ARK2N: variants seen among roughly 807,000 people sequenced by gnomAD.
The protein encoded by ARK2N is arkadia (RNF111) N-terminal like PKA signaling regulator 2N.
the ARK2N span, among the ~76,000 whole-genome samples, chr18:46,208,989 C>G: frequency 1.3e-5 from 2 of 152,070 alleles, no homozygotes; most frequent in Non-Finnish European, 2.9e-5. Flanking sequence ...GGGTAGCCAG[C>G]AAGAAGATAG....
At chr18:46,184,720 C>T in the ARK2N span, among the ~76,000 whole-genome samples, 1 of 151,584 alleles carries the variant, frequency 6.6e-6, no homozygotes, top group Admixed American at 6.6e-5. Context: ...GAGACCCTGT[C>T]TCTAACAACA....
chr18:46,176,345 T>G, the ARK2N span, among the ~76,000 whole-genome samples: 1 of 152,246 alleles, frequency 6.6e-6, no homozygotes, highest in Non-Finnish European at 1.5e-5. Flanking sequence ...ATCTTAGATC[T>G]TCCTCATTTT....
chr18:46,227,058 C>T, the ARK2N span, among the ~76,000 whole-genome samples: 44 of 152,154 alleles, frequency 2.9e-4, no homozygotes, highest in Non-Finnish European at 5.9e-5. Context: ...ATCCACCCAC[C>T]TCCACCTCCC....
the ARK2N span, among the ~76,000 whole-genome samples, chr18:46,205,744 G>A: frequency 1.3e-5 from 2 of 152,196 alleles, no homozygotes; most frequent in Admixed American, 1.3e-4. Context: ...TTGAGACAGG[G>A]TCTCATTCTG....
the ARK2N span, among the ~76,000 whole-genome samples, chr18:46,252,096 G>A: frequency 6.6e-5 from 10 of 151,932 alleles, no homozygotes; most frequent in Non-Finnish European, 1.5e-4. Context: ...GGGAGGTTGA[G>A]GCAGGAGAAT....
the ARK2N span, among the ~76,000 whole-genome samples, chr18:46,183,858 C>T: frequency 6.6e-6 from 1 of 152,138 alleles, no homozygotes; most frequent in South Asian, 2.1e-4. Flanking sequence ...GAGTCTTGCT[C>T]TGTCGCCCAG....
At chr18:46,247,822 C>T in the ARK2N span, among the ~76,000 whole-genome samples, 13 of 152,320 alleles carry the variant, frequency 8.5e-5, no homozygotes, top group African/African-American at 3.1e-4. Flanking sequence ...CAGGGGCGTA[C>T]CACCATACCT....
chr18:46,220,308 C>T, the ARK2N span, among the ~76,000 whole-genome samples: 1 of 152,144 alleles, frequency 6.6e-6, no homozygotes. Flanking sequence ...CCAGCTCAGC[C>T]CCACTTCAAG....
At chr18:46,200,444 A>C in the ARK2N span, among the ~76,000 whole-genome samples, 1 of 152,064 alleles carries the variant, frequency 6.6e-6, no homozygotes, top group Non-Finnish European at 1.5e-5. Flanking sequence ...AGTAGCTGGG[A>C]TTACAGGCAC....
the ARK2N span, chr18:46,262,877 G>A: frequency 5.7e-4 from 896 of 1,569,236 alleles, no homozygotes; most frequent in Non-Finnish European, 7.5e-4. Flanking sequence ...ATTGTCTTCT[G>A]TTTTTCCTGT....
the ARK2N span, among the ~76,000 whole-genome samples, chr18:46,226,488 T>C: frequency 6.6e-6 from 1 of 152,192 alleles, no homozygotes; most frequent in Non-Finnish European, 1.5e-5. Flanking sequence ...AAATTGCTAG[T>C]GACTAAGTTT....
the ARK2N span, among the ~76,000 whole-genome samples, chr18:46,174,628 G>C: frequency 6.6e-6 from 1 of 152,202 alleles, no homozygotes; most frequent in Non-Finnish European, 1.5e-5. Flanking sequence ...CAAGCCCCCA[G>C]ACGCTGGGGC....
chr18:46,259,570 C>T, the ARK2N span, among the ~76,000 whole-genome samples: 47 of 151,910 alleles, frequency 3.1e-4, 2 homozygotes, highest in Middle Eastern at 3.4e-3. Flanking sequence ...ATTACAACCT[C>T]CCCCTTTTCT....
At chr18:46,257,638 CTT>C in the ARK2N span, among the ~76,000 whole-genome samples, 1 of 149,962 alleles carries the variant, frequency 6.7e-6, no homozygotes, top group African/African-American at 2.4e-5. Context: ...TTTGCCAAAA[CTT>C]TTAATTTACA....
At chr18:46,188,202 A>G in the ARK2N span, among the ~76,000 whole-genome samples, 1 of 151,938 alleles carries the variant, frequency 6.6e-6, no homozygotes, top group African/African-American at 2.4e-5. Context: ...TTAAAATCTT[A>G]TATATATATA....
the ARK2N span, among the ~76,000 whole-genome samples, chr18:46,254,694 C>T: frequency 6.6e-6 from 1 of 152,214 alleles, no homozygotes; most frequent in Non-Finnish European, 1.5e-5. Flanking sequence ...ACTCCACTGG[C>T]AAAGTTGAAT....
the ARK2N span, among the ~76,000 whole-genome samples, chr18:46,262,674 A>T: frequency 6.6e-6 from 1 of 152,312 alleles, no homozygotes; most frequent in East Asian, 1.9e-4. Flanking sequence ...TCAGTGACAC[A>T]ACTCAGGAGT....
At chr18:46,200,911 T>G in the ARK2N span, among the ~76,000 whole-genome samples, 2 of 152,156 alleles carry the variant, frequency 1.3e-5, no homozygotes, top group Non-Finnish European at 2.9e-5. Context: ...GAATGCCTTT[T>G]CTGTGCTACA....
At chr18:46,229,061 A>C in the ARK2N span, among the ~76,000 whole-genome samples, 1 of 152,200 alleles carries the variant, frequency 6.6e-6, no homozygotes, top group Non-Finnish European at 1.5e-5. Context: ...CAAAATATTA[A>C]AAATTTTTCC....
Sources: gnomAD v4.1 joint callset for allele counts (sites outside exome capture counted in the v4.1 genomes callset) on GRCh38, gnomAD v4.1.1 for gene constraint, MANE v1.5 for transcripts, NCBI Gene and HGNC (gene_info 2026-07-23, HGNC 2026-07-21) for gene names.